RAPGEF6: variants seen among roughly 807,000 people sequenced by gnomAD.
RAPGEF6 encodes PDZ domain containing guanine nucleotide exchange factor (GEF) 2.
In RAPGEF6, 56 loss-of-function variants were observed where a neutral mutation model predicts 171.4. The observed-to-expected ratio is 0.33, with a 90% CI of 0.26 to 0.41. The LOEUF is 0.41. Ranked by LOEUF, RAPGEF6 falls within the 10% of genes least tolerant of loss-of-function variation. The probability of loss-of-function intolerance (pLI) is 1.00; values close to 1 mark genes in which losing one functional copy is unlikely to be tolerated. For synonymous variants in RAPGEF6, 692 were observed against 650.1 expected (o/e 1.06, Z -0.98); for missense variants, 1,674 against 1,921.4 (o/e 0.87, Z 2.41).
Position 131,453,298 on chromosome 5 carries a change from T to C in RAPGEF6, c.3077-121A>G, listed in dbSNP as rs143609977. On this transcript the variant is annotated intron_variant, in intron 20 of 27. Transcript: ENST00000509018. ...ACCTTCTTTATCACAGTGCCAATTT[T>C]GCTTTTAAGAACTGGTATACCCATA... The C allele has an allele frequency of 9.8e-5, 140 of 1,435,180 alleles. No homozygotes were observed. In the African/African-American group the frequency reaches 1.9e-3, roughly 19 times the overall value. 88.9% of individuals were successfully genotyped at this position (1,435,180 alleles called of 1,614,324 possible).
At position 131,600,794 on chromosome 5, in the gene RAPGEF6, T is replaced by C. The variant is rs368305713; in HGVS notation, c.197+2477A>G. Among the ~76,000 whole-genome samples, 20 of 152,158 alleles carry C rather than the reference T, an allele frequency of 1.3e-4. No homozygotes were observed. In the East Asian group the frequency reaches 1.7e-3, roughly 13 times the overall value. ...ACTCAATTCCAAGATGAATTGTAGA[T>C]CTATATTTGAGACAGAAAACACCAA... On this transcript the variant is annotated intron_variant, in intron 3 of 27. Coordinates refer to ENST00000509018, the MANE Select transcript of RAPGEF6 (RefSeq NM_016340.6).
chr5:131,599,617 T>G (rs1764108421), intron 3 of RAPGEF6, among the ~76,000 whole-genome samples: 1 of 152,158 alleles, frequency 6.6e-6, no homozygotes, highest in Non-Finnish European at 1.5e-5. Context: ...CAACTGGATG[T>G]CCATAGGGAT....
intron 22 of RAPGEF6, among the ~76,000 whole-genome samples, chr5:131,446,016 G>C (rs1752667854): frequency 6.6e-6 from 1 of 151,750 alleles, no homozygotes; most frequent in African/African-American, 2.4e-5. Flanking sequence ...ACATTTTCTA[G>C]AGATTACTAA....
At chr5:131,533,014 A>C (rs1759499967) in intron 6 of RAPGEF6, 1 of 152,510 alleles carries the variant, frequency 6.6e-6, no homozygotes. Flanking sequence ...TATGCTCTGC[A>C]GTAAGATGAA....
At chr5:131,488,580 T>C (rs1315367922) in intron 15 of RAPGEF6, among the ~76,000 whole-genome samples, 1 of 152,146 alleles carries the variant, frequency 6.6e-6, no homozygotes. Context: ...AAATTGCCAA[T>C]TGACAGTTTA....
intron 15 of RAPGEF6, among the ~76,000 whole-genome samples, chr5:131,484,543 G>A (rs571256106): frequency 1.3e-5 from 2 of 152,202 alleles, no homozygotes; most frequent in African/African-American, 4.8e-5. Flanking sequence ...GATGAATGAA[G>A]CATAGATCGT....
chr5:131,494,418 T>A (rs1381954373), intron 13 of RAPGEF6, among the ~76,000 whole-genome samples: 3 of 152,172 alleles, frequency 2.0e-5, no homozygotes, highest in Admixed American at 6.5e-5. Context: ...AACAGATGAA[T>A]CCTATATAGA....
At chr5:131,607,685 G>C (rs758585962) in intron 1 of RAPGEF6, among the ~76,000 whole-genome samples, 47 of 152,104 alleles carry the variant, frequency 3.1e-4, no homozygotes, top group African/African-American at 1.1e-3. Flanking sequence ...GAGGTGACTG[G>C]TACCCTTAGA....
At chr5:131,583,284 T>A in intron 4 of RAPGEF6, among the ~76,000 whole-genome samples, 1 of 152,202 alleles carries the variant, frequency 6.6e-6, no homozygotes, top group East Asian at 1.9e-4. Flanking sequence ...CCCTCCATTG[T>A]GAAGTTTAGA....
chr5:131,474,608 T>C (rs975815140), intron 16 of RAPGEF6, among the ~76,000 whole-genome samples: 5 of 152,072 alleles, frequency 3.3e-5, no homozygotes, highest in Non-Finnish European at 7.4e-5. Flanking sequence ...ATTTGACAGA[T>C]AAAGCAAAGG....
intron 6 of RAPGEF6, among the ~76,000 whole-genome samples, chr5:131,539,828 T>C (rs1285400514): frequency 2.6e-5 from 4 of 152,154 alleles, no homozygotes; most frequent in Non-Finnish European, 4.4e-5. Flanking sequence ...ATCAGAGAAG[T>C]AGCAATGAGA....
At chr5:131,466,095 CAA>C (rs769107975) in intron 17 of RAPGEF6, among the ~76,000 whole-genome samples, 38 of 50,868 alleles carry the variant, frequency 7.5e-4, no homozygotes, top group Middle Eastern at 0.013. Context: ...GACTGAGGAC[CAA>C]AAAAAAAAAA....
intron 24 of RAPGEF6, among the ~76,000 whole-genome samples, chr5:131,438,782 C>T (rs1199692797): frequency 1.3e-5 from 2 of 152,024 alleles, no homozygotes; most frequent in African/African-American, 4.8e-5. Flanking sequence ...TCATGAGATT[C>T]TGTATAAGTA....
At chr5:131,587,608 C>T (rs1334979425) in intron 4 of RAPGEF6, among the ~76,000 whole-genome samples, 5 of 152,028 alleles carry the variant, frequency 3.3e-5, no homozygotes, top group African/African-American at 1.2e-4. Flanking sequence ...ACTCAGAAAA[C>T]AATACTCCAA....
At chr5:131,552,419 T>C (rs551307819) in intron 5 of RAPGEF6, among the ~76,000 whole-genome samples, 259 of 151,484 alleles carry the variant, frequency 1.7e-3, no homozygotes, top group African/African-American at 5.7e-3. Flanking sequence ...TAATAAACAA[T>C]AGCAGAAATA....
intron 6 of RAPGEF6, among the ~76,000 whole-genome samples, chr5:131,540,555 C>G (rs898833695): frequency 6.6e-6 from 1 of 152,102 alleles, no homozygotes; most frequent in African/African-American, 2.4e-5. Flanking sequence ...CAGAGCGAGA[C>G]CCTGTCTCAA....
At chr5:131,442,711 T>C (rs913977440) in intron 22 of RAPGEF6, among the ~76,000 whole-genome samples, 174 bp from the exon 23 acceptor site, 7 of 152,228 alleles carry the variant, frequency 4.6e-5, no homozygotes, top group Admixed American at 2.6e-4. Flanking sequence ...TCTCTATTGT[T>C]TGGTGAGTCA....
chr5:131,465,277 T>C (rs1215374706), intron 17 of RAPGEF6, among the ~76,000 whole-genome samples: 1 of 152,204 alleles, frequency 6.6e-6, no homozygotes, highest in East Asian at 1.9e-4. Context: ...ACAATGTTTA[T>C]ATGATAAGCA....
chr5:131,451,858 G>A (rs1309017694), intron 21 of RAPGEF6, among the ~76,000 whole-genome samples: 2 of 152,030 alleles, frequency 1.3e-5, no homozygotes, highest in African/African-American at 4.8e-5. Context: ...GTGAACTGAA[G>A]CTATACACAT....
Sources: gnomAD v4.1 joint callset for allele counts (sites outside exome capture counted in the v4.1 genomes callset) on GRCh38, gnomAD v4.1.1 for gene constraint, MANE v1.5 for transcripts, NCBI Gene and HGNC (gene_info 2026-07-23, HGNC 2026-07-21) for gene names.